Variants in ARHGAP24 observed in about 807,000 individuals in gnomAD.
ARHGAP24 encodes the protein rho GTPase-activating protein 24.
A neutral mutation model predicts 76.4 loss-of-function variants in ARHGAP24; 50 were observed. The ratio of observed to expected loss-of-function variants is 0.65; its 90% CI spans 0.52 to 0.83. ARHGAP24 has a LOEUF of 0.83. ARHGAP24 is among the 40% of genes least tolerant of loss of function. The pLI is 0.00. For synonymous variants in ARHGAP24, 345 were observed against 323.3 expected, an observed-to-expected ratio of 1.07 and a Z score of -0.72; for missense variants, 930 against 914.2, an observed-to-expected ratio of 1.02 and a Z score of -0.22.
At chr4:85,617,173 ATATC>A (rs1431979249) in intron 2 of ARHGAP24, among the ~76,000 whole-genome samples, 3 of 148,126 alleles carry the variant, frequency 2.0e-5, no homozygotes, top group African/African-American at 7.4e-5. Flanking sequence ...AATGTTAAAT[ATATC>A]TATAATTCAT....
chr4:85,995,213 C>G lies in ARHGAP24; in HGVS notation c.1559C>G (p.Ala520Gly). The change falls in exon 9 of 10, where the codon GCT becomes GGT. Residue 520 changes from alanine to glycine, a missense_variant. Ala to Gly is a moderately conservative substitution (Grantham distance 60). Transcript: ENST00000395184. ...AGGGATAACAAGCAGAAAGAACAAG[C>G]TGGAGAGTTAGGCCAGCACAACAGA... ...TLRDNKQKEQ[A>G]GELGQHNRLS... 1 of 1,613,962 alleles carries G rather than the reference C, an allele frequency of 6.2e-7. No homozygotes were observed. The highest frequency in any genetic ancestry group is 8.5e-7 in the Non-Finnish European group (1 of 1,180,026).
At chr4:85,856,811 T>C (rs1002652719) in intron 3 of ARHGAP24, among the ~76,000 whole-genome samples, 4 of 152,126 alleles carry the variant, frequency 2.6e-5, no homozygotes, top group Non-Finnish European at 5.9e-5. Flanking sequence ...CCTTCTAGTT[T>C]TTCTATCAAA....
intron 3 of ARHGAP24, among the ~76,000 whole-genome samples, chr4:85,807,970 A>G (rs1728862818): frequency 2.0e-5 from 3 of 152,030 alleles, no homozygotes; most frequent in African/African-American, 7.3e-5. Flanking sequence ...ACCCTCCCTG[A>G]GCCTTTATAA....
intron 2 of ARHGAP24, among the ~76,000 whole-genome samples, chr4:85,662,040 G>A (rs1278951435): frequency 1.3e-5 from 2 of 152,174 alleles, no homozygotes; most frequent in African/African-American, 4.8e-5. Flanking sequence ...CCCAGTAATG[G>A]GTTGGTTGGT....
chr4:85,998,190 T>C (rs1397181725), intron 9 of ARHGAP24, among the ~76,000 whole-genome samples: 1 of 152,206 alleles, frequency 6.6e-6, no homozygotes, highest in Non-Finnish European at 1.5e-5. Context: ...CCTATCAGTA[T>C]TCTGAGTTTA....
intron 4 of ARHGAP24, among the ~76,000 whole-genome samples, chr4:85,929,738 CA>C (rs1736216917): frequency 6.6e-6 from 1 of 152,176 alleles, no homozygotes; most frequent in African/African-American, 2.4e-5. Context: ...TACAGACACA[CA>C]CATACACATG....
chr4:85,894,995 A>AAAAAAAAAAAAAAAAAAAAAAAAG (rs1734081984), intron 3 of ARHGAP24, among the ~76,000 whole-genome samples: 1 of 23,912 alleles, frequency 4.2e-5, no homozygotes, highest in Non-Finnish European at 8.9e-5. Context: ...AAAACAAAAC[A>AAAAAAAAAAAAAAAAAAAAAAAAG]AAAAGCAAAA....
At chr4:85,713,860 G>A (rs553765022) in intron 2 of ARHGAP24, among the ~76,000 whole-genome samples, 1 of 152,224 alleles carries the variant, frequency 6.6e-6, no homozygotes, top group South Asian at 2.1e-4. Context: ...ATAACAAAGA[G>A]CACCTCAAGA....
At chr4:85,898,041 A>G (rs1296007582) in intron 3 of ARHGAP24, among the ~76,000 whole-genome samples, 11 of 37,142 alleles carry the variant, frequency 3.0e-4, no homozygotes, top group South Asian at 1.9e-3. Flanking sequence ...GTGTATATAT[A>G]TATATATATA....
At chr4:85,856,197 T>A (rs1441486837) in intron 3 of ARHGAP24, among the ~76,000 whole-genome samples, 1 of 152,146 alleles carries the variant, frequency 6.6e-6, no homozygotes, top group African/African-American at 2.4e-5. Context: ...TGAATTCACA[T>A]TTCTCTGATG....
chr4:85,511,396 A>T (rs1578194234), intron 1 of ARHGAP24, among the ~76,000 whole-genome samples: 1 of 152,172 alleles, frequency 6.6e-6, no homozygotes, highest in South Asian at 2.1e-4. Context: ...ACGAAGTACC[A>T]CAAACTGGGT....
At chr4:85,632,580 G>C (rs1193413296) in intron 2 of ARHGAP24, among the ~76,000 whole-genome samples, 2 of 149,684 alleles carry the variant, frequency 1.3e-5, no homozygotes, top group East Asian at 1.9e-4. Flanking sequence ...TGGACTCACT[G>C]TGTTTTCAGC....
intron 1 of ARHGAP24, among the ~76,000 whole-genome samples, chr4:85,488,565 C>T (rs1723238705): frequency 6.6e-6 from 1 of 151,982 alleles, no homozygotes; most frequent in African/African-American, 2.4e-5. Flanking sequence ...AAAATGAATC[C>T]AAAGTGATTG....
chr4:85,580,907 A>G (rs1055726870), intron 2 of ARHGAP24, among the ~76,000 whole-genome samples: 6 of 152,274 alleles, frequency 3.9e-5, no homozygotes, highest in African/African-American at 1.4e-4. Context: ...GATTCCAGCA[A>G]CCTGTCAGAG....
At chr4:85,556,404 G>A (rs1692949756) in intron 1 of ARHGAP24, among the ~76,000 whole-genome samples, 1 of 152,146 alleles carries the variant, frequency 6.6e-6, no homozygotes, top group Non-Finnish European at 1.5e-5. Context: ...AGAGTGGGGT[G>A]TGGGAGCTCG....
chr4:85,718,881 T>G (rs1184146949), intron 2 of ARHGAP24, among the ~76,000 whole-genome samples: 1 of 152,208 alleles, frequency 6.6e-6, no homozygotes, highest in Non-Finnish European at 1.5e-5. Context: ...CAAAATGTGA[T>G]AGCTTAAGAT....
intron 3 of ARHGAP24, among the ~76,000 whole-genome samples, chr4:85,865,075 T>C (rs1238713482): frequency 6.6e-6 from 1 of 152,144 alleles, no homozygotes; most frequent in Non-Finnish European, 1.5e-5. Context: ...GCAGATTTCC[T>C]GTGACTTAGA....
intron 1 of ARHGAP24, among the ~76,000 whole-genome samples, chr4:85,485,208 C>T (rs892037499): frequency 1.3e-5 from 2 of 149,542 alleles, no homozygotes; most frequent in Non-Finnish European, 3.0e-5. Context: ...ATTAGCTGGG[C>T]TTGGTGGTGG....
At chr4:85,648,021 T>A (rs1335878500) in intron 2 of ARHGAP24, among the ~76,000 whole-genome samples, 1 of 152,194 alleles carries the variant, frequency 6.6e-6, no homozygotes, top group Non-Finnish European at 1.5e-5. Context: ...AAAATTTTTA[T>A]TGAAGAAGTG....
Sources: gnomAD v4.1 joint callset for allele counts (sites outside exome capture counted in the v4.1 genomes callset) on GRCh38, gnomAD v4.1.1 for gene constraint, MANE v1.5 for transcripts, NCBI Gene and HGNC (gene_info 2026-07-23, HGNC 2026-07-21) for gene names.